Variants in LMX1B observed in about 807,000 individuals in gnomAD.
LMX1B encodes the protein LIM homeobox transcription factor 1 beta.
A neutral mutation model predicts 51.4 loss-of-function variants in LMX1B; 12 were observed. That is an observed-to-expected ratio of 0.23 (90% CI 0.15 to 0.38). The LOEUF (loss-of-function observed/expected upper bound fraction) is 0.38. LMX1B is among the 10% of genes least tolerant of loss of function. LMX1B has a pLI of 1.00. For synonymous variants in LMX1B, 237 were observed against 235.4 expected, an observed-to-expected ratio of 1.01 and a Z score of -0.06; for missense variants, 445 against 571.1, an observed-to-expected ratio of 0.78 and a Z score of 2.25.
chr9:126,674,107 A>G (rs1000611371), intron 2 of LMX1B, among the ~76,000 whole-genome samples: 3 of 152,054 alleles, frequency 2.0e-5, no homozygotes, highest in African/African-American at 4.8e-5. Flanking sequence ...CTAGGGGGGA[A>G]ACCTCTAGTT....
At chr9:126,664,961 T>A (rs181444673) in intron 2 of LMX1B, among the ~76,000 whole-genome samples, 3 of 152,358 alleles carry the variant, frequency 2.0e-5, no homozygotes, top group Admixed American at 2.0e-4. Flanking sequence ...TTTCTCTACC[T>A]ACGAAGTTGG....
intron 2 of LMX1B, among the ~76,000 whole-genome samples, chr9:126,649,993 G>T (rs111535866): frequency 6.6e-6 from 1 of 152,168 alleles, no homozygotes; most frequent in South Asian, 2.1e-4. Context: ...ATCCCTGCTT[G>T]CGAAGCTTGG....
At chr9:126,674,830 C>T (rs1836524108) in intron 2 of LMX1B, among the ~76,000 whole-genome samples, 1 of 152,222 alleles carries the variant, frequency 6.6e-6, no homozygotes, top group Non-Finnish European at 1.5e-5. Flanking sequence ...AGGGCACCAG[C>T]CTGGACCCTC....
In LMX1B at chr9:126,696,498, T is replaced by A. The variant is rs766539424; in HGVS notation, c.*47T>A. ...GCTTGGGCAGGGGCCTGGGGGGGAC[T>A]GCCAGCCTCTGCGGCCAGCCTGGCC... On this transcript the variant is annotated 3_prime_UTR_variant, in exon 8 of 8. Coordinates refer to ENST00000373474, the MANE Select transcript of LMX1B (RefSeq NM_001174147.2). The A allele has an allele frequency of 1.2e-6, 2 of 1,608,150 alleles. No homozygotes were observed. Among genetic ancestry groups the A allele is most frequent in the Non-Finnish European group, 1.7e-6 (2 of 1,175,720 alleles).
chr9:126,654,442 G>A (rs1333246210), intron 2 of LMX1B, among the ~76,000 whole-genome samples: 1 of 152,240 alleles, frequency 6.6e-6, no homozygotes, highest in Non-Finnish European at 1.5e-5. Context: ...TCTATGAGGT[G>A]GGGAACGGGC....
At chr9:126,617,972 G>A (rs1835334678) in intron 2 of LMX1B, among the ~76,000 whole-genome samples, 1 of 152,104 alleles carries the variant, frequency 6.6e-6, no homozygotes, top group African/African-American at 2.4e-5. Context: ...GTTTCACAGG[G>A]AGATGGAGCG....
chr9:126,665,474 C>T (rs911427197), intron 2 of LMX1B, among the ~76,000 whole-genome samples: 4 of 152,252 alleles, frequency 2.6e-5, no homozygotes, highest in African/African-American at 7.2e-5. Context: ...AGAAAAGGCT[C>T]GCCCAGTTTG....
chr9:126,636,383 C>T (rs1196944751), intron 2 of LMX1B, among the ~76,000 whole-genome samples: 1 of 152,014 alleles, frequency 6.6e-6, no homozygotes. Flanking sequence ...GGCAGGAGAG[C>T]AGGTTTCAGG....
chr9:126,636,912 C>T (rs1835723160), intron 2 of LMX1B, among the ~76,000 whole-genome samples: 1 of 152,154 alleles, frequency 6.6e-6, no homozygotes, highest in South Asian at 2.1e-4. Flanking sequence ...GATGTATGTG[C>T]ACATGACAAG....
chr9:126,662,660 G>A (rs1836267938), intron 2 of LMX1B, among the ~76,000 whole-genome samples: 1 of 152,208 alleles, frequency 6.6e-6, no homozygotes, highest in Admixed American at 6.5e-5. Flanking sequence ...AGTGTGGGCT[G>A]GGCTGGGAGC....
intron 2 of LMX1B, among the ~76,000 whole-genome samples, chr9:126,660,029 G>GGCATCTACACTGGCCTTAGAGAT (rs751570816): frequency 2.3e-4 from 20 of 86,464 alleles, no homozygotes; most frequent in Non-Finnish European, 3.2e-4. Context: ...CTGTGTGGGG[G>GGCATCTACACTGGCCTTAGAGAT]TGTCTACACT....
chr9:126,631,434 T>A (rs1419311417), intron 2 of LMX1B, among the ~76,000 whole-genome samples: 1 of 151,898 alleles, frequency 6.6e-6, no homozygotes, highest in Non-Finnish European at 1.5e-5. Flanking sequence ...ACCTAATGCC[T>A]ATTAGGTCTG....
intron 2 of LMX1B, among the ~76,000 whole-genome samples, chr9:126,682,526 G>A (rs1807048663): frequency 6.6e-6 from 1 of 152,222 alleles, no homozygotes; most frequent in African/African-American, 2.4e-5. Context: ...TGGGGGCATT[G>A]GGAGGGGCTG....
At chr9:126,640,046 G>T (rs746996034) in intron 2 of LMX1B, among the ~76,000 whole-genome samples, 1 of 152,240 alleles carries the variant, frequency 6.6e-6, no homozygotes, top group Non-Finnish European at 1.5e-5. Flanking sequence ...AGTTAATGCG[G>T]GTGGCGGGAT....
intron 2 of LMX1B, among the ~76,000 whole-genome samples, chr9:126,669,076 G>C (rs965609179): frequency 2.0e-5 from 3 of 152,236 alleles, no homozygotes; most frequent in Admixed American, 2.0e-4. Context: ...CTCTCTGGCA[G>C]CTTGAGCCCT....
chr9:126,690,309 G>T (rs1431316281), intron 2 of LMX1B, among the ~76,000 whole-genome samples: 2 of 152,196 alleles, frequency 1.3e-5, no homozygotes, highest in Non-Finnish European at 2.9e-5. Flanking sequence ...TCCTGTGTGG[G>T]CTGGGGTTTG....
chr9:126,642,640 T>A (rs1835830050), intron 2 of LMX1B, among the ~76,000 whole-genome samples: 1 of 152,222 alleles, frequency 6.6e-6, no homozygotes, highest in Admixed American at 6.5e-5. Flanking sequence ...TGCATGGGTG[T>A]TCCCGGAGGG....
intron 2 of LMX1B, among the ~76,000 whole-genome samples, chr9:126,667,607 G>A (rs577885970): frequency 6.6e-6 from 1 of 152,370 alleles, no homozygotes; most frequent in East Asian, 1.9e-4. Context: ...CGGTGCTATA[G>A]ATCTGGAGGT....
chr9:126,623,535 CTG>C (rs888015982), intron 2 of LMX1B, among the ~76,000 whole-genome samples: 9 of 152,322 alleles, frequency 5.9e-5, no homozygotes, highest in East Asian at 1.9e-4. Context: ...AGAGTTAACT[CTG>C]TAGCAGATTT....
Sources: allele counts gnomAD v4.1 joint callset (sites outside exome capture counted in the v4.1 genomes callset), GRCh38; gene constraint gnomAD v4.1.1; transcripts MANE v1.5; gene names NCBI Gene and HGNC (gene_info 2026-07-23, HGNC 2026-07-21).